DCDC2C: variants seen among roughly 807,000 people sequenced by gnomAD.
DCDC2C encodes doublecortin domain containing 2C.
A neutral mutation model predicts 45.0 loss-of-function variants in DCDC2C; 44 were observed. The ratio of observed to expected loss-of-function variants is 0.98; its 90% CI spans 0.77 to 1.26. DCDC2C has a LOEUF of 1.26. Ranked by LOEUF, DCDC2C falls within the 50% of genes most tolerant of loss-of-function variation. The pLI, the probability that DCDC2C is intolerant of heterozygous loss-of-function variation, is 0.00. For missense variants in DCDC2C, 447 were observed against 468.9 expected (o/e 0.95, Z 0.43); for synonymous variants, 187 against 178.8 (o/e 1.05, Z -0.37).
chr2:3,713,580 A>G (rs1327754220), intron 2 of DCDC2C, among the ~76,000 whole-genome samples: 1 of 152,196 alleles, frequency 6.6e-6, no homozygotes, highest in Non-Finnish European at 1.5e-5. Context: ...CCCTTCCTGC[A>G]CTGGTTCCAG....
chr2:3,715,613 A>G (rs554370251), intron 2 of DCDC2C, among the ~76,000 whole-genome samples: 11 of 140,890 alleles, frequency 7.8e-5, no homozygotes, highest in East Asian at 2.2e-4. Flanking sequence ...CATTCATCCA[A>G]TTTAATCTGA....
chr2:3,756,108 G>A (rs990163852), intron 6 of DCDC2C, among the ~76,000 whole-genome samples: 8 of 151,996 alleles, frequency 5.3e-5, no homozygotes, highest in African/African-American at 1.7e-4. Context: ...TGATCACACA[G>A]TTTGAAGTTG....
chr2:3,825,401 G>T (rs1671789425), intron 10 of DCDC2C, among the ~76,000 whole-genome samples: 1 of 152,116 alleles, frequency 6.6e-6, no homozygotes, highest in Admixed American at 6.5e-5. Flanking sequence ...CAGGCTAATT[G>T]GTTGCCTTGT....
intron 1 of DCDC2C, among the ~76,000 whole-genome samples, chr2:3,705,827 CTGTT>C (rs1418665879): frequency 2.0e-5 from 3 of 152,292 alleles, no homozygotes; most frequent in East Asian, 3.9e-4. Flanking sequence ...AGTGCTCTTA[CTGTT>C]TATTTTACTT....
At chr2:3,803,690 T>C (rs765442898) in intron 10 of DCDC2C, among the ~76,000 whole-genome samples, 1 of 152,172 alleles carries the variant, frequency 6.6e-6, no homozygotes, top group Non-Finnish European at 1.5e-5. Context: ...AATCACGCCT[T>C]TGTTCTCTCA....
At chr2:3,810,593 C>T (rs59954415) in intron 10 of DCDC2C, among the ~76,000 whole-genome samples, 8,157 of 152,260 alleles carry the variant, frequency 0.054, 744 homozygotes, top group African/African-American at 0.19. Flanking sequence ...AATTAGACCT[C>T]ATTTGTCAAT....
chr2:3,800,700 T>C (rs1671091957), intron 10 of DCDC2C, among the ~76,000 whole-genome samples: 1 of 149,186 alleles, frequency 6.7e-6, no homozygotes, highest in East Asian at 2.2e-4. Context: ...ATTACAAAGG[T>C]CATGTGCTCA....
chr2:3,744,912 A>G lies in DCDC2C; in HGVS notation c.545+2864A>G, dbSNP rs115776315. ...ATTAGTGTATTATTCTCAAAGAAAT[A>G]AAGCTGTGTGCAGTAGATAGACCTG... On this transcript the variant is annotated intron_variant, in intron 4 of 10. Coordinates refer to ENST00000399143, the MANE Select transcript of DCDC2C (RefSeq NM_001287444.2). Among the ~76,000 whole-genome samples, 1,379 of 152,322 alleles carry G rather than the reference A, an allele frequency of 9.1e-3. 25 individuals carry two copies. Among genetic ancestry groups the G allele is most frequent in the African/African-American group, 0.032 (1,331 of 41,572 alleles).
chr2:3,789,457 A>C (rs1402582014), intron 10 of DCDC2C, among the ~76,000 whole-genome samples: 1 of 152,166 alleles, frequency 6.6e-6, no homozygotes, highest in Non-Finnish European at 1.5e-5. Context: ...CATGCCTCTA[A>C]TTGTTCTGTG....
chr2:3,763,115 C>A (rs536947712), intron 6 of DCDC2C, among the ~76,000 whole-genome samples: 46 of 152,320 alleles, frequency 3.0e-4, no homozygotes, highest in Non-Finnish European at 6.2e-4. Context: ...ACCATTGATG[C>A]CCAACCGCTG....
chr2:3,836,159 T>C (rs1672070141), intron 10 of DCDC2C, among the ~76,000 whole-genome samples: 1 of 152,198 alleles, frequency 6.6e-6, no homozygotes, highest in African/African-American at 2.4e-5. Flanking sequence ...TGAAGTAATG[T>C]AGATGTAATA....
intron 2 of DCDC2C, among the ~76,000 whole-genome samples, chr2:3,713,242 C>CTT (rs1668265089): frequency 6.6e-6 from 1 of 152,072 alleles, no homozygotes. Flanking sequence ...GATGTTCAAG[C>CTT]CCTTACATCA....
At chr2:3,719,441 C>T (rs1233789245) in intron 2 of DCDC2C, among the ~76,000 whole-genome samples, 1 of 152,210 alleles carries the variant, frequency 6.6e-6, no homozygotes, top group Non-Finnish European at 1.5e-5. Flanking sequence ...TCTGGCTGTC[C>T]ACATTGGGTG....
chr2:3,791,151 T>TACA (rs1490700868), intron 10 of DCDC2C, among the ~76,000 whole-genome samples: 6 of 152,194 alleles, frequency 3.9e-5, no homozygotes, highest in Admixed American at 2.6e-4. Context: ...AGAAAGCTTG[T>TACA]ATCCCTCTAT....
intron 6 of DCDC2C, among the ~76,000 whole-genome samples, chr2:3,758,859 C>G (rs1212685933): frequency 2.0e-5 from 3 of 152,194 alleles, no homozygotes; most frequent in African/African-American, 7.2e-5. Flanking sequence ...CATGTGGCCT[C>G]TCATCTTCCA....
chr2:3,825,875 T>G (rs1317693526), intron 10 of DCDC2C, among the ~76,000 whole-genome samples: 1 of 152,242 alleles, frequency 6.6e-6, no homozygotes, highest in Non-Finnish European at 1.5e-5. Flanking sequence ...TTCAGTGGAC[T>G]AACCTTTGCT....
chr2:3,707,702 C>G (rs1460644297), intron 1 of DCDC2C, among the ~76,000 whole-genome samples: 1 of 152,188 alleles, frequency 6.6e-6, no homozygotes, highest in Non-Finnish European at 1.5e-5. Flanking sequence ...AAAGGATGGT[C>G]CCACCAGCCA....
chr2:3,784,061 A>G (rs1317596814), intron 9 of DCDC2C, among the ~76,000 whole-genome samples: 3 of 152,158 alleles, frequency 2.0e-5, no homozygotes, highest in Non-Finnish European at 4.4e-5. Flanking sequence ...TTTCCAAAAG[A>G]CATAAGGAAA....
chr2:3,736,009 G>T (rs1040143371), intron 3 of DCDC2C, among the ~76,000 whole-genome samples: 2 of 152,130 alleles, frequency 1.3e-5, no homozygotes, highest in Non-Finnish European at 2.9e-5. Context: ...ATCTTATAGG[G>T]TTCTGCATCC....
Sources: allele counts gnomAD v4.1 joint callset (sites outside exome capture counted in the v4.1 genomes callset), GRCh38; gene constraint gnomAD v4.1.1; transcripts MANE v1.5; gene names NCBI Gene and HGNC (gene_info 2026-07-23, HGNC 2026-07-21).